Variants in CDK8 observed in about 807,000 individuals in gnomAD.
CDK8 encodes cyclin dependent kinase 8.
Under a neutral mutation model 71.5 loss-of-function variants are expected in CDK8, and 29 were observed. The ratio of observed to expected loss-of-function variants is 0.41; its 90% CI spans 0.30 to 0.55. The LOEUF is 0.55. Ranked by LOEUF, CDK8 falls within the 20% of genes least tolerant of loss-of-function variation. The pLI, the probability that CDK8 is intolerant of heterozygous loss-of-function variation, is 0.37. For synonymous variants in CDK8, 161 were observed against 192.1 expected, an observed-to-expected ratio of 0.84 and a Z score of 1.34; for missense variants, 288 against 572.6, an observed-to-expected ratio of 0.50 and a Z score of 5.07.
At chr13:26,326,619 T>G (rs1875030301) in intron 1 of CDK8, among the ~76,000 whole-genome samples, 1 of 152,200 alleles carries the variant, frequency 6.6e-6, no homozygotes, top group African/African-American at 2.4e-5. Flanking sequence ...TTCTGGAAGA[T>G]TCTTAAGAAT....
chr13:26,374,112 A>G (rs1444712536), intron 4 of CDK8, among the ~76,000 whole-genome samples: 2 of 151,598 alleles, frequency 1.3e-5, no homozygotes, highest in Non-Finnish European at 2.9e-5. Flanking sequence ...GAGGCAGGAG[A>G]ATGGCGTGAA....
At chr13:26,384,049 C>T (rs1172339869) in intron 5 of CDK8, among the ~76,000 whole-genome samples, 3 of 152,110 alleles carry the variant, frequency 2.0e-5, no homozygotes, top group African/African-American at 7.2e-5. Flanking sequence ...GTGTTCTTTA[C>T]TGTATAATTT....
intron 1 of CDK8, among the ~76,000 whole-genome samples, chr13:26,307,565 C>T (rs1874101397): frequency 6.6e-6 from 1 of 152,166 alleles, no homozygotes; most frequent in Non-Finnish European, 1.5e-5. Context: ...ACCTATGCTG[C>T]ACTTCCTACC....
intron 4 of CDK8, among the ~76,000 whole-genome samples, chr13:26,377,015 G>GCTATTACATT (rs1365515323): frequency 6.6e-6 from 1 of 152,198 alleles, no homozygotes; most frequent in Non-Finnish European, 1.5e-5. Context: ...TCTTTTATTA[G>GCTATTACATT]CACTATTACT....
rs554480197 is a variant in CDK8, at chr13:26,296,229, C to T, written c.129-41338C>T. ...TAATGGTAAGGATATCAGAGAGGAT[C>T]GAAAGGTTATAAGCACATCTTCCCC... On this transcript the variant is annotated intron_variant, in intron 1 of 12. Coordinates refer to ENST00000381527, the MANE Select transcript of CDK8 (RefSeq NM_001260.3). Among the ~76,000 whole-genome samples the T allele has an allele frequency of 8.7e-4, 132 of 152,194 alleles. 1 individual carries two copies. The highest frequency in any genetic ancestry group is 3.0e-3 in the African/African-American group (123 of 41,506).
chr13:26,294,273 G>A (rs1038748114), intron 1 of CDK8, among the ~76,000 whole-genome samples: 1 of 151,336 alleles, frequency 6.6e-6, no homozygotes, highest in Admixed American at 6.6e-5. Flanking sequence ...TGGGATTATA[G>A]GCATGAGCCA....
intron 2 of CDK8, among the ~76,000 whole-genome samples, chr13:26,342,039 C>T (rs1873264729): frequency 6.6e-6 from 1 of 152,004 alleles, no homozygotes; most frequent in African/African-American, 2.4e-5. Flanking sequence ...TTCTGCCTCA[C>T]CCTCCCAAGT....
rs188825674 is a variant in CDK8 at position 26,318,740 on chromosome 13, C to T, written c.129-18827C>T. On this transcript the variant is annotated intron_variant, in intron 1 of 12. Transcript: ENST00000381527. ...TCATCTCAATTGACGCAGAAAAAAT[C>T]CTGACAAAATTGATCACCCTTTCAT... Among the ~76,000 whole-genome samples the T allele has an allele frequency of 1.6e-4, 25 of 152,190 alleles. No individual in the cohort carries two copies. In the East Asian group the frequency reaches 4.8e-3, roughly 29 times the overall value.
intron 9 of CDK8, among the ~76,000 whole-genome samples, 184 bp downstream of exon 9, chr13:26,397,409 A>G (rs1434504081): frequency 6.6e-6 from 1 of 152,144 alleles, no homozygotes; most frequent in Non-Finnish European, 1.5e-5. Context: ...TTCCAGACTC[A>G]TATCATGGTT....
chr13:26,374,255 A>C (rs1441893655), intron 4 of CDK8, among the ~76,000 whole-genome samples: 1 of 151,360 alleles, frequency 6.6e-6, no homozygotes, highest in African/African-American at 2.4e-5. Flanking sequence ...AAGAATCCAG[A>C]AGCTATTTCA....
intron 2 of CDK8, among the ~76,000 whole-genome samples, chr13:26,341,301 A>G (rs1261679586): frequency 2.0e-5 from 3 of 151,942 alleles, no homozygotes; most frequent in Non-Finnish European, 4.4e-5. Context: ...TAATGTTTAT[A>G]TTTTTAGTAG....
At chr13:26,403,879 G>A (rs935129706) in intron 12 of CDK8, 77 bp from the exon 13 acceptor site, 1 of 1,535,802 alleles carries the variant, frequency 6.5e-7, no homozygotes, top group African/African-American at 1.4e-5. Context: ...GAAACATAAT[G>A]ACACTTCAGT....
chr13:26,254,675 G>T lies in CDK8; in HGVS notation c.34G>T (p.Glu12Ter). 1 of 1,612,150 alleles carries T rather than the reference G, an allele frequency of 6.2e-7. No homozygotes were observed. The highest frequency in any genetic ancestry group is 1.1e-5 in the South Asian group (1 of 90,672). ...TGACTTTAAAGTGAAGCTGAGCAGC[G>T]AGCGGGAGCGGGTCGAGGACCTGTT... ...DYDFKVKLSS[E>*]RERVEDLFEY... is the part of the protein sequence containing the mutation. The change falls in exon 1 of 13, where the codon GAG becomes TAG. Residue 12 changes from glutamate to a stop codon, truncating the protein, a stop_gained. Coordinates refer to ENST00000381527, the MANE Select transcript of CDK8 (RefSeq NM_001260.3). LOFTEE classifies it high-confidence loss of function. This position sits in a 1 kb window ranked among gnomAD's most constrained non-coding sequence, Gnocchi z 6.7.
intron 1 of CDK8, among the ~76,000 whole-genome samples, chr13:26,333,027 G>T (rs1018767259): frequency 1.3e-5 from 2 of 152,182 alleles, no homozygotes; most frequent in African/African-American, 4.8e-5. Context: ...TCACATGCAG[G>T]TGCATAACAC....
At chr13:26,292,585 A>G (rs1029486718) in intron 1 of CDK8, among the ~76,000 whole-genome samples, 2 of 152,180 alleles carry the variant, frequency 1.3e-5, no homozygotes, top group African/African-American at 4.8e-5. Flanking sequence ...AGCTAAGCCC[A>G]TTAAAAGTCA....
intron 3 of CDK8, among the ~76,000 whole-genome samples, chr13:26,351,370 T>C (rs1873673986): frequency 6.6e-6 from 1 of 152,138 alleles, no homozygotes; most frequent in Non-Finnish European, 1.5e-5. Context: ...CTTTGGTTCT[T>C]CTGTTCTTCT....
At chr13:26,264,663 G>C (rs146865631) in intron 1 of CDK8, among the ~76,000 whole-genome samples, 7 of 152,164 alleles carry the variant, frequency 4.6e-5, no homozygotes, top group Non-Finnish European at 8.8e-5. Flanking sequence ...ATCAAACATT[G>C]AATTTATTTC....
intron 1 of CDK8, among the ~76,000 whole-genome samples, chr13:26,275,080 T>G (rs190379464): frequency 1.2e-4 from 19 of 152,328 alleles, no homozygotes; most frequent in Admixed American, 6.5e-4. Flanking sequence ...GCTTTTATCA[T>G]TACCCTACAT....
chr13:26,294,418 A>T (rs981982050), intron 1 of CDK8, among the ~76,000 whole-genome samples: 2 of 152,204 alleles, frequency 1.3e-5, no homozygotes, highest in Non-Finnish European at 2.9e-5. Flanking sequence ...AACATACTGA[A>T]TTCATATCCT....
Sources: gnomAD v4.1 joint callset for allele counts (sites outside exome capture counted in the v4.1 genomes callset) on GRCh38, gnomAD v4.1.1 for gene constraint, Gnocchi (gnomAD v3.1) non-coding constraint, MANE v1.5 for transcripts, NCBI Gene and HGNC (gene_info 2026-07-23, HGNC 2026-07-21) for gene names.